SLC17A1: variants seen among roughly 807,000 people sequenced by gnomAD.
SLC17A1 encodes the protein solute carrier family 17 member 1, also known as sodium-dependent phosphate transport protein 1.
In SLC17A1, 51 loss-of-function variants were observed where a neutral mutation model predicts 53.5. The observed-to-expected ratio is 0.95, with a 90% CI of 0.76 to 1.20. SLC17A1 has a LOEUF of 1.20. Ranked by LOEUF, SLC17A1 falls within the 50% of genes most tolerant of loss-of-function variation. The probability of loss-of-function intolerance (pLI) is 0.00; values close to 1 mark genes in which losing one functional copy is unlikely to be tolerated. For synonymous variants in SLC17A1, 179 were observed against 198.8 expected, an observed-to-expected ratio of 0.90 and a Z score of 0.84; for missense variants, 538 against 568.2, an observed-to-expected ratio of 0.95 and a Z score of 0.54.
At chr6:25,732,080 T>C in the SLC17A1 span, 1 of 1,100,344 alleles carries the variant, frequency 9.1e-7, no homozygotes, top group Non-Finnish European at 1.2e-6. Flanking sequence ...TCTTGCGCTT[T>C]TTGTCCTCCT....
intron 10 of SLC17A1, among the ~76,000 whole-genome samples, chr6:25,802,516 C>T (rs549639168): frequency 6.6e-6 from 1 of 152,090 alleles, no homozygotes; most frequent in Admixed American, 6.5e-5. Flanking sequence ...TCATTTCTGC[C>T]TGAAGAATTC....
intron 10 of SLC17A1, among the ~76,000 whole-genome samples, chr6:25,803,450 C>T (rs1325147801): frequency 6.6e-6 from 1 of 152,044 alleles, no homozygotes; most frequent in Non-Finnish European, 1.5e-5. Flanking sequence ...TTTATGTTCT[C>T]CAGAGAGTAC....
the SLC17A1 span, among the ~76,000 whole-genome samples, chr6:25,763,271 C>T: frequency 6.6e-6 from 1 of 152,138 alleles, no homozygotes; most frequent in Non-Finnish European, 1.5e-5. Context: ...TTTACCCTGG[C>T]CTGTTGTTTC....
the SLC17A1 span, chr6:25,726,597 T>G: frequency 6.6e-7 from 1 of 1,519,338 alleles, no homozygotes; most frequent in Non-Finnish European, 8.9e-7. Flanking sequence ...ATTTATAGTC[T>G]GACTGAGGTT....
At chr6:25,731,913 T>C in the SLC17A1 span, 5 of 1,602,400 alleles carry the variant, frequency 3.1e-6, no homozygotes, top group Admixed American at 1.7e-5. Flanking sequence ...GCGCTTGTCA[T>C]AATGCGCCAG....
chr6:25,772,525 G>T, the SLC17A1 span, among the ~76,000 whole-genome samples: 2 of 152,090 alleles, frequency 1.3e-5, no homozygotes, highest in African/African-American at 4.8e-5. Context: ...ATTTGAAGAT[G>T]GGCCATATTT....
the SLC17A1 span, among the ~76,000 whole-genome samples, chr6:25,750,976 A>G: frequency 2.6e-5 from 4 of 152,334 alleles, no homozygotes; most frequent in African/African-American, 9.6e-5. Flanking sequence ...ATGCACAGCC[A>G]CAGATTAATT....
chr6:25,731,350 T>C, the SLC17A1 span, among the ~76,000 whole-genome samples: 1 of 152,238 alleles, frequency 6.6e-6, no homozygotes, highest in Non-Finnish European at 1.5e-5. Context: ...GCACACATTA[T>C]GGCCAAAGTC....
chr6:25,771,101 G>T, the SLC17A1 span: 1 of 1,057,020 alleles, frequency 9.5e-7, no homozygotes, highest in African/African-American at 1.6e-5. Flanking sequence ...AATAGATATG[G>T]ATATTTACAT....
At chr6:25,749,912 G>C in the SLC17A1 span, among the ~76,000 whole-genome samples, 1 of 152,176 alleles carries the variant, frequency 6.6e-6, no homozygotes, top group Non-Finnish European at 1.5e-5. Context: ...CTATAAGCCT[G>C]GTCCCAACAT....
rs561993771 is a variant in SLC17A1, at chr6:25,800,472, A to G, written c.1269+418T>C. Among the ~76,000 whole-genome samples, 14 of 152,230 alleles carry G rather than the reference A, an allele frequency of 9.2e-5. No individual in the cohort carries two copies. In the South Asian group the frequency reaches 2.9e-3, roughly 32 times the overall value. On this transcript the variant is annotated intron_variant, in intron 11 of 12. Coordinates refer to ENST00000244527, the MANE Select transcript of SLC17A1 (RefSeq NM_005074.5). ...GATTTCAGGTAACTTTGTCCATGAC[A>G]TGTGCAAAAACAGAAGTCTGCCTTC...
At chr6:25,807,846 T>C (rs1764012416) in intron 10 of SLC17A1, among the ~76,000 whole-genome samples, 1 of 152,140 alleles carries the variant, frequency 6.6e-6, no homozygotes. Context: ...TATCACCACA[T>C]TTTCTTTATC....
At chr6:25,773,625 C>A in the SLC17A1 span, 1 of 1,613,742 alleles carries the variant, frequency 6.2e-7, no homozygotes, top group East Asian at 2.2e-5. Flanking sequence ...ACCATTATGG[C>A]GTACACACCA....
rs1763562987 is a variant in SLC17A1 at position 25,794,431 on chromosome 6, G to A, written c.*2+4352C>T. The stretch of plus-strand genomic sequence containing the variant: ...AATCCTCTGCATTATATTCTGAGTT[G>A]TGGTTCATTACACAAGAGATTGAGA... On this transcript the variant is annotated intron_variant, in intron 12 of 12. Coordinates refer to ENST00000244527, the MANE Select transcript of SLC17A1 (RefSeq NM_005074.5). 3.3e-5 allele frequency among the ~76,000 whole-genome samples: 5 copies of A among 152,044 alleles called. No individual in the cohort carries two copies. In the South Asian group the frequency reaches 1.0e-3, roughly 31 times the overall value.
chr6:25,737,626 T>C, the SLC17A1 span, among the ~76,000 whole-genome samples: 10 of 152,162 alleles, frequency 6.6e-5, no homozygotes, highest in African/African-American at 2.2e-4. Flanking sequence ...CAACTGCTAT[T>C]ACAACCAGTA....
intron 6 of SLC17A1, among the ~76,000 whole-genome samples, chr6:25,815,521 C>G (rs1021467926): frequency 6.6e-6 from 1 of 152,070 alleles, no homozygotes; most frequent in Non-Finnish European, 1.5e-5. Context: ...TTCCCCTTTT[C>G]CTCTTGCTCC....
the SLC17A1 span, among the ~76,000 whole-genome samples, chr6:25,759,171 T>G: frequency 6.6e-6 from 1 of 152,186 alleles, no homozygotes; most frequent in South Asian, 2.1e-4. Context: ...GTACTTGATA[T>G]AATTTCGATT....
At chr6:25,830,261 T>A (rs190482097) in intron 2 of SLC17A1, among the ~76,000 whole-genome samples, 2 of 152,250 alleles carry the variant, frequency 1.3e-5, no homozygotes, top group Non-Finnish European at 2.9e-5. Context: ...AATAGCCCAG[T>A]TTTTTCTGAT....
chr6:25,731,478 G>GT, the SLC17A1 span, among the ~76,000 whole-genome samples: 2 of 152,160 alleles, frequency 1.3e-5, no homozygotes, highest in African/African-American at 2.4e-5. Flanking sequence ...CAAAAAAGCC[G>GT]TATTTCCCCA....
Sources: gnomAD v4.1 joint callset for allele counts (sites outside exome capture counted in the v4.1 genomes callset) on GRCh38, gnomAD v4.1.1 for gene constraint, MANE v1.5 for transcripts, NCBI Gene and HGNC (gene_info 2026-07-23, HGNC 2026-07-21) for gene names.